The following PCDH15 variants were observed in gnomAD, a reference collection of about 807,000 sequenced individuals.
The protein encoded by PCDH15 is protocadherin-15.
PCDH15 carries 129 observed loss-of-function variants against 178.5 expected under a neutral mutation model. The ratio of observed to expected loss-of-function variants is 0.72; its 90% CI spans 0.63 to 0.84. The LOEUF is 0.84. Among genes scored for constraint, PCDH15 ranks in the 40% least tolerant of loss-of-function variants. The pLI, the probability that PCDH15 is intolerant of heterozygous loss-of-function variation, is 0.00. For synonymous variants in PCDH15, 800 were observed against 732.0 expected (o/e 1.09, Z -1.50); for missense variants, 2,230 against 2,099.9 (o/e 1.06, Z -1.21).
intron 1 of PCDH15, among the ~76,000 whole-genome samples, chr10:54,690,049 T>C (rs574616052): frequency 1.3e-5 from 2 of 152,198 alleles, no homozygotes; most frequent in South Asian, 4.2e-4. Context: ...CACTTAACAA[T>C]GTTTCTGTTA....
intron 2 of PCDH15, among the ~76,000 whole-genome samples, chr10:55,152,509 T>C (rs543474142): frequency 6.6e-6 from 1 of 152,166 alleles, no homozygotes; most frequent in South Asian, 2.1e-4. Flanking sequence ...AAGCTTGAGG[T>C]CATAGAGCAG....
At chr10:53,849,888 G>A (rs11003881) in intron 28 of PCDH15, among the ~76,000 whole-genome samples, 32,443 of 136,484 alleles carry the variant, frequency 0.24, 4,992 homozygotes, top group East Asian at 0.75. Flanking sequence ...AAAAAAGAAA[G>A]AAAGAAAAAT....
At chr10:54,556,540 T>C (rs1415828916) in intron 2 of PCDH15, among the ~76,000 whole-genome samples, 6 of 152,058 alleles carry the variant, frequency 3.9e-5, no homozygotes, top group South Asian at 2.1e-4. Flanking sequence ...ATTTAGAACA[T>C]GATTTATAAT....
chr10:55,578,805 G>A (rs1312005634), intron 2 of PCDH15, among the ~76,000 whole-genome samples: 3 of 152,108 alleles, frequency 2.0e-5, no homozygotes, highest in South Asian at 4.1e-4. Flanking sequence ...AAAAGATAGT[G>A]TGCAGGGGAA....
chr10:53,823,332 T>C lies in PCDH15; in HGVS notation c.4368-3102A>G, dbSNP rs1393874885. The C allele has an allele frequency of 3.7e-6, 6 of 1,613,662 alleles. No homozygotes were observed. Among genetic ancestry groups the C allele is most frequent in the Non-Finnish European group, 5.1e-6 (6 of 1,179,778 alleles). On this transcript the variant is annotated intron_variant, in intron 32 of 37. Coordinates refer to ENST00000644397, the MANE Select transcript of PCDH15 (RefSeq NM_001384140.1). ...TGAGACTGAGTTATTTCCCCTGCTT[T>C]GTTGAAAATGGTAGAGAAGGAAAAG...
Position 53,806,489 on chromosome 10 carries a change from T to G in PCDH15, c.*90A>C. 1.8e-6 allele frequency: 2 copies of G among 1,134,396 alleles called. No homozygotes were observed. The highest frequency in any genetic ancestry group is 2.5e-6 in the Non-Finnish European group (2 of 810,804). The allele number at this position is 1,134,396 out of a possible 1,614,324, so 70.3% of individuals were successfully genotyped here. A position where few individuals can be genotyped will look rare whatever the true frequency, so the allele number is the denominator to read the frequency against. ...TTTTAGCTTGTGTGCATGATATAAATTCCATACATTGTTTTCTCAGTGACA... is the reference window on the plus strand; with the variant it reads ...TTTTAGCTTGTGTGCATGATATAAAGTCCATACATTGTTTTCTCAGTGACA... On this transcript the variant is annotated 3_prime_UTR_variant, in exon 38 of 38. Transcript: ENST00000644397.
At chr10:54,171,870 A>G (rs1220137109) in intron 13 of PCDH15, among the ~76,000 whole-genome samples, 1 of 151,010 alleles carries the variant, frequency 6.6e-6, no homozygotes, top group Non-Finnish European at 1.5e-5. Context: ...ATCACCCCTT[A>G]CCACAAGGCC....
chr10:54,002,137 T>C (rs1262529495), intron 20 of PCDH15, among the ~76,000 whole-genome samples: 41 of 151,242 alleles, frequency 2.7e-4, no homozygotes, highest in African/African-American at 9.7e-4. Context: ...TGTGTATATA[T>C]ATATACACAT....
At chr10:55,492,967 C>T (rs1179677299) in intron 2 of PCDH15, among the ~76,000 whole-genome samples, 1 of 151,502 alleles carries the variant, frequency 6.6e-6, no homozygotes, top group Non-Finnish European at 1.5e-5. Flanking sequence ...TTTGAGGTGG[C>T]TGAAGAAATA....
chr10:55,428,080 T>C (rs768028859), intron 2 of PCDH15, among the ~76,000 whole-genome samples: 1 of 152,054 alleles, frequency 6.6e-6, no homozygotes, highest in African/African-American at 2.4e-5. Flanking sequence ...TGGTCTATTT[T>C]AGCTTATTTC....
At chr10:54,941,659 C>T (rs549430043) in intron 2 of PCDH15, among the ~76,000 whole-genome samples, 1 of 151,914 alleles carries the variant, frequency 6.6e-6, no homozygotes, top group African/African-American at 2.4e-5. Flanking sequence ...CTTTGTAGAC[C>T]GTGTAATTTT....
chr10:54,709,593 C>CATAT (rs35055187), intron 1 of PCDH15, among the ~76,000 whole-genome samples: 9,243 of 93,912 alleles, frequency 0.098, 687 homozygotes, highest in Middle Eastern at 0.13. Context: ...ACAAATAATT[C>CATAT]ATATATATAT....
intron 2 of PCDH15, among the ~76,000 whole-genome samples, chr10:55,080,465 G>A (rs1004227729): frequency 2.6e-5 from 4 of 152,130 alleles, no homozygotes; most frequent in Non-Finnish European, 4.4e-5. Flanking sequence ...TTCCAAAAAT[G>A]TTGGGTACCA....
intron 4 of PCDH15, among the ~76,000 whole-genome samples, chr10:54,371,665 G>A (rs991730126): frequency 1.3e-5 from 2 of 151,744 alleles, no homozygotes; most frequent in South Asian, 4.1e-4. Context: ...AGTATCTCAT[G>A]TAACTCATAT....
intron 2 of PCDH15, among the ~76,000 whole-genome samples, chr10:55,582,588 GTGTA>G (rs1457487664): frequency 8.9e-6 from 1 of 112,000 alleles, no homozygotes; most frequent in African/African-American, 3.7e-5. Context: ...TATTCTGTAT[GTGTA>G]TGTGTATATA....
At chr10:54,201,570 A>T (rs6481067) in intron 10 of PCDH15, among the ~76,000 whole-genome samples, 136,760 of 152,142 alleles carry the variant, frequency 0.9, 61,628 homozygotes, top group East Asian at 0.98. Context: ...TAAATGTATC[A>T]GTTTCATTCA....
intron 23 of PCDH15, among the ~76,000 whole-genome samples, chr10:53,948,132 A>T (rs1351773455): frequency 1.1e-4 from 16 of 152,100 alleles, no homozygotes; most frequent in Admixed American, 1.0e-3. Context: ...TCCTGGACTT[A>T]CAACGGGGTT....
At chr10:53,892,730 A>G (rs2081656724) in intron 26 of PCDH15, among the ~76,000 whole-genome samples, 1 of 152,190 alleles carries the variant, frequency 6.6e-6, no homozygotes, top group Non-Finnish European at 1.5e-5. Flanking sequence ...GAGAAAATGC[A>G]GGATTAGACT....
rs73255904 is a variant in PCDH15 at position 54,436,938 on chromosome 10, G to A, written c.158-57996C>T. The stretch of plus-strand genomic sequence containing the variant: ...TCACCTCTGGTTTGCACTAGACTTG[G>A]GTTGCCACTTGATCCATAGAGAACC... On this transcript the variant is annotated intron_variant, in intron 3 of 37. Coordinates refer to ENST00000644397, the MANE Select transcript of PCDH15 (RefSeq NM_001384140.1). 7.8e-3 allele frequency among the ~76,000 whole-genome samples: 1,181 copies of A among 152,122 alleles called. 16 individuals carry two copies. The highest frequency in any genetic ancestry group is 0.027 in the African/African-American group (1,112 of 41,514).
Sources: allele counts gnomAD v4.1 joint callset (sites outside exome capture counted in the v4.1 genomes callset), GRCh38; gene constraint gnomAD v4.1.1; transcripts MANE v1.5; gene names NCBI Gene and HGNC (gene_info 2026-07-23, HGNC 2026-07-21).